COL14A1: variants seen among roughly 807,000 people sequenced by gnomAD.
COL14A1 encodes the protein collagen type XIV alpha 1 chain.
Under a neutral mutation model 230.3 loss-of-function variants are expected in COL14A1, and 136 were observed. That is an observed-to-expected ratio of 0.59 (90% confidence interval 0.51 to 0.68). The LOEUF (loss-of-function observed/expected upper bound fraction) is 0.68, where lower values mean the gene tolerates loss of function less well. Among genes scored for constraint, COL14A1 ranks in the 30% least tolerant of loss-of-function variants. The pLI, the probability that COL14A1 is intolerant of heterozygous loss-of-function variation, is 0.00. For synonymous variants in COL14A1, 792 were observed against 784.1 expected (o/e 1.01, Z -0.17); for missense variants, 1,976 against 2,215.8 (o/e 0.89, Z 2.17).
At chr8:120,301,539 C>CT (rs547746778) in intron 36 of COL14A1, among the ~76,000 whole-genome samples, 1 of 152,070 alleles carries the variant, frequency 6.6e-6, no homozygotes, top group African/African-American at 2.4e-5. Context: ...TGATCTTGAT[C>CT]TTTTTTATAG....
chr8:120,319,887 T>A (rs1821377580), intron 40 of COL14A1, among the ~76,000 whole-genome samples: 1 of 152,246 alleles, frequency 6.6e-6, no homozygotes, highest in African/African-American at 2.4e-5. Flanking sequence ...ATTGAGGCAT[T>A]CAGTTTTCAT....
At chr8:120,349,228 C>A (rs555977982) in intron 45 of COL14A1, among the ~76,000 whole-genome samples, 3,764 of 151,056 alleles carry the variant, frequency 0.025, 74 homozygotes, top group Non-Finnish European at 0.037. Flanking sequence ...CACCAAAAAC[C>A]CATCTGTACA....
chr8:120,235,353 T>C (rs1051551861), intron 19 of COL14A1, among the ~76,000 whole-genome samples: 3 of 152,016 alleles, frequency 2.0e-5, no homozygotes, highest in African/African-American at 7.2e-5. Flanking sequence ...TTTTTTTTAG[T>C]AGAGATGGGT....
In COL14A1 at chr8:120,177,675, C is replaced by G. The variant is rs1351507156; in HGVS notation, c.436+9428C>G. Reference sequence around the variant, plus strand: ...TTCAAAAAAAAAAAAAAAAAAAAGACTGTATACATATAAAAAGACTATATA... The same window carrying G: ...TTCAAAAAAAAAAAAAAAAAAAAGAGTGTATACATATAAAAAGACTATATA... On this transcript the variant is annotated intron_variant, in intron 5 of 47. Coordinates refer to ENST00000297848, the MANE Select transcript of COL14A1 (RefSeq NM_021110.4). Among the ~76,000 whole-genome samples the G allele has an allele frequency of 5.1e-5, 6 of 118,348 alleles. 1 individual carries two copies. The highest frequency in any genetic ancestry group is 1.9e-4 in the African/African-American group (6 of 31,390). 77.6% of individuals were successfully genotyped at this position (118,348 alleles called of 152,430 possible). A position where few individuals can be genotyped will look rare whatever the true frequency, so the allele number is the denominator to read the frequency against.
chr8:120,235,366 T>A (rs1473270374), intron 19 of COL14A1, among the ~76,000 whole-genome samples: 1 of 152,090 alleles, frequency 6.6e-6, no homozygotes, highest in African/African-American at 2.4e-5. Context: ...AGATGGGTTT[T>A]CACCATGTTG....
intron 26 of COL14A1, among the ~76,000 whole-genome samples, chr8:120,273,175 A>G (rs2129843133): frequency 6.6e-6 from 1 of 151,954 alleles, no homozygotes; most frequent in Admixed American, 6.6e-5. Context: ...AAATTAAACC[A>G]TTTGCTCCTG....
At chr8:120,232,428 C>G (rs970024385) in intron 19 of COL14A1, among the ~76,000 whole-genome samples, 1 of 152,116 alleles carries the variant, frequency 6.6e-6, no homozygotes, top group Non-Finnish European at 1.5e-5. Context: ...TGCCCCACAA[C>G]CCCAACAGGA....
intron 21 of COL14A1, among the ~76,000 whole-genome samples, chr8:120,249,746 T>C (rs779564148): frequency 6.6e-6 from 1 of 152,104 alleles, no homozygotes; most frequent in Non-Finnish European, 1.5e-5. Flanking sequence ...ATACCAATAG[T>C]AGTGAGGCTG....
At chr8:120,240,874 T>C (rs1818588866) in intron 19 of COL14A1, among the ~76,000 whole-genome samples, 1 of 152,226 alleles carries the variant, frequency 6.6e-6, no homozygotes, top group Admixed American at 6.5e-5. Flanking sequence ...AATAAAACTA[T>C]AGTACCTGTC....
intron 14 of COL14A1, among the ~76,000 whole-genome samples, chr8:120,220,055 A>T (rs997706147): frequency 6.6e-6 from 1 of 152,048 alleles, no homozygotes; most frequent in Non-Finnish European, 1.5e-5. Flanking sequence ...AGGTTGCTGG[A>T]TAAGCATCTT....
At position 120,183,287 on chromosome 8, in the gene COL14A1, C is replaced by T. The variant is rs557598401; in HGVS notation, c.437-13504C>T. Among the ~76,000 whole-genome samples the T allele has an allele frequency of 2.0e-5, 3 of 152,152 alleles. No homozygotes were observed. In the East Asian group the frequency reaches 5.8e-4, roughly 29 times the overall value. ...TGGAAAGCACAATGAACAGTTTAGG[C>T]TTAATTTGGTAGGTGAGGAAGGAAG... is the stretch of plus-strand genomic sequence containing the variant. On this transcript the variant is annotated intron_variant, in intron 5 of 47. Coordinates refer to ENST00000297848, the MANE Select transcript of COL14A1 (RefSeq NM_021110.4).
At chr8:120,280,592 A>G (rs1820003347) in intron 29 of COL14A1, 119 bp from the exon 30 acceptor site, 1 of 943,232 alleles carries the variant, frequency 1.1e-6, no homozygotes, top group South Asian at 1.5e-5. Flanking sequence ...TTTGATTTGT[A>G]TTCTCTCCAC....
intron 1 of COL14A1, among the ~76,000 whole-genome samples, chr8:120,143,773 T>A (rs1358022832): frequency 6.6e-6 from 1 of 152,018 alleles, no homozygotes; most frequent in South Asian, 2.1e-4. Context: ...ATCCCTCTCA[T>A]GGTGGGAATT....
chr8:120,303,475 C>T (rs1432651506), intron 36 of COL14A1, among the ~76,000 whole-genome samples: 3 of 152,030 alleles, frequency 2.0e-5, no homozygotes, highest in African/African-American at 4.8e-5. Flanking sequence ...CAAAAGCCTT[C>T]TTTGCATCTA....
chr8:120,313,892 T>C, intron 37 of COL14A1, 40 bp from the exon 38 acceptor site: 1 of 1,296,478 alleles, frequency 7.7e-7, no homozygotes, highest in Non-Finnish European at 1.1e-6. Flanking sequence ...TCAGAGAGTC[T>C]AACTTACTTT....
At chr8:120,337,530 G>A (rs776214385) in intron 42 of COL14A1, among the ~76,000 whole-genome samples, 5 of 152,118 alleles carry the variant, frequency 3.3e-5, no homozygotes, top group South Asian at 4.1e-4. Context: ...CATGGAAGAC[G>A]TTTCAAGCCA....
rs56815167 is a variant in COL14A1, at chr8:120,226,668, A to G, written c.1906A>G (p.Thr636Ala). ...AQQYLEIDEV[T>A]TDSFRVTWHP... ...GCAATACTTAGAAATTGATGAGGTG[A>G]CGACAGACAGTTTTAGGGTGACCTG... is the stretch of plus-strand genomic sequence containing the variant. The change falls in exon 16 of 48, where the codon ACG becomes GCG. Residue 636 changes from threonine (T) to alanine (A), a missense_variant. Thr to Ala is a moderately conservative substitution (Grantham distance 58, BLOSUM62 0). This residue lies in a region of COL14A1 where 1,791 missense variants were observed against 2,019.5 expected (regional missense o/e 0.89). Transcript: ENST00000297848. 7.2e-5 allele frequency: 117 copies of G among 1,613,928 alleles called. No homozygotes were observed. The African/African-American group carries it at 1.5e-3, about 21-fold the overall frequency.
chr8:120,345,931 C>T, intron 45 of COL14A1, among the ~76,000 whole-genome samples: 1 of 152,192 alleles, frequency 6.6e-6, no homozygotes, highest in Non-Finnish European at 1.5e-5. Flanking sequence ...CATGGCATCA[C>T]ACCAATGTCA....
At chr8:120,254,644 T>C (rs1331093700) in intron 22 of COL14A1, among the ~76,000 whole-genome samples, 2 of 151,996 alleles carry the variant, frequency 1.3e-5, no homozygotes, top group Admixed American at 1.3e-4. Context: ...TCATCATCCT[T>C]TGCATCTGGT....
Sources: allele counts gnomAD v4.1 joint callset (sites outside exome capture counted in the v4.1 genomes callset), GRCh38; gene constraint gnomAD v4.1.1; regional missense constraint gnomAD v4.1.1; transcripts MANE v1.5; gene names NCBI Gene and HGNC (gene_info 2026-07-23, HGNC 2026-07-21).